CSMD1: variants seen among roughly 807,000 people sequenced by gnomAD.
CSMD1 encodes the protein CUB and Sushi multiple domains 1, also known as CUB and sushi domain-containing protein 1.
A neutral mutation model predicts 417.5 loss-of-function variants in CSMD1; 213 were observed. The ratio of observed to expected loss-of-function variants is 0.51; its 90% CI spans 0.46 to 0.57. The LOEUF (loss-of-function observed/expected upper bound fraction) is 0.57, where lower values mean the gene tolerates loss of function less well. CSMD1 is among the 20% of genes least tolerant of loss of function. The pLI, the probability that CSMD1 is intolerant of heterozygous loss-of-function variation, is 0.00. For missense variants in CSMD1, 6,923 were observed against 4,529.7 expected (o/e 1.53, Z -15.17); for synonymous variants, 2,862 against 1,736.8 (o/e 1.65, Z -16.11).
In CSMD1 at chr8:3,272,248, C is replaced by T. The variant is rs551230526; in HGVS notation, c.4153+11896G>A. 6.5e-3 allele frequency among the ~76,000 whole-genome samples: 933 copies of T among 144,182 alleles called. 35 individuals carry two copies. The highest frequency in any genetic ancestry group is 9.8e-3 in the South Asian group (43 of 4,368). The allele number at this position is 144,182 out of a possible 152,430, so 94.6% of individuals were successfully genotyped here. On this transcript the variant is annotated intron_variant, in intron 26 of 69. Transcript: ENST00000635120. ...CAAAGATCAGATAGTTGTAGATATG[C>T]GGCGTTATTTCTGAGGGCTCTGTTC...
chr8:4,462,031 C>T (rs181954172), intron 2 of CSMD1, among the ~76,000 whole-genome samples: 1 of 151,866 alleles, frequency 6.6e-6, no homozygotes, highest in African/African-American at 2.4e-5. Flanking sequence ...TGAGCCACCA[C>T]GTCTGGCTGC....
chr8:3,261,777 C>G (rs1287014437), intron 26 of CSMD1, among the ~76,000 whole-genome samples: 1 of 152,096 alleles, frequency 6.6e-6, no homozygotes, highest in African/African-American at 2.4e-5. Flanking sequence ...ATTCCCTCCA[C>G]AGCACATTTG....
chr8:4,351,239 T>C (rs10098869), intron 3 of CSMD1, among the ~76,000 whole-genome samples: 17,420 of 152,218 alleles, frequency 0.11, 1,347 homozygotes, highest in South Asian at 0.17. Context: ...TAAAGCTCCA[T>C]CTACATCCTG....
intron 3 of CSMD1, among the ~76,000 whole-genome samples, chr8:4,248,603 G>T (rs922611746): frequency 2.6e-5 from 4 of 152,098 alleles, no homozygotes; most frequent in Admixed American, 1.3e-4. Flanking sequence ...GTTCAAATAT[G>T]AACTTCTCGA....
At chr8:2,995,659 A>G (rs536056434) in intron 54 of CSMD1, among the ~76,000 whole-genome samples, 2 of 152,302 alleles carry the variant, frequency 1.3e-5, no homozygotes, top group South Asian at 2.1e-4. Flanking sequence ...ACGTCCTTCA[A>G]TGGGTAAATG....
intron 49 of CSMD1, among the ~76,000 whole-genome samples, chr8:3,077,800 C>T (rs1246836823): frequency 1.3e-5 from 2 of 152,226 alleles, no homozygotes; most frequent in Non-Finnish European, 2.9e-5. Context: ...CGCTGTGCCT[C>T]TTCAATGAAA....
At chr8:3,179,428 A>C (rs1454467616) in intron 37 of CSMD1, among the ~76,000 whole-genome samples, 1 of 152,236 alleles carries the variant, frequency 6.6e-6, no homozygotes, top group East Asian at 1.9e-4. Context: ...TAAATAATTA[A>C]ACAAAAGCTT....
chr8:4,430,164 C>T (rs906298262), intron 2 of CSMD1, among the ~76,000 whole-genome samples: 1 of 152,176 alleles, frequency 6.6e-6, no homozygotes, highest in Non-Finnish European at 1.5e-5. Context: ...CAGAATCTAT[C>T]CTACGTGTGC....
chr8:3,727,326 G>C (rs889768373), intron 6 of CSMD1, among the ~76,000 whole-genome samples: 6 of 152,190 alleles, frequency 3.9e-5, no homozygotes. Context: ...CGCCTGAACG[G>C]TGGCACTGCA....
intron 3 of CSMD1, among the ~76,000 whole-genome samples, chr8:4,164,650 C>G (rs914139636): frequency 3.9e-5 from 6 of 152,090 alleles, no homozygotes. Flanking sequence ...GTCCCTCACA[C>G]AAGACACGAT....
chr8:4,195,002 C>T (rs1799247758), intron 3 of CSMD1, among the ~76,000 whole-genome samples: 1 of 152,098 alleles, frequency 6.6e-6, no homozygotes, highest in Admixed American at 6.5e-5. Flanking sequence ...GGGAATTTTC[C>T]ATCTCTTCAC....
intron 10 of CSMD1, among the ~76,000 whole-genome samples, chr8:3,496,115 G>A (rs1234115050): frequency 6.6e-6 from 1 of 152,158 alleles, no homozygotes; most frequent in African/African-American, 2.4e-5. Flanking sequence ...GTGTTCATGT[G>A]TTCTCATTGT....
intron 23 of CSMD1, among the ~76,000 whole-genome samples, chr8:3,338,241 C>G (rs1453388567): frequency 6.6e-6 from 1 of 152,200 alleles, no homozygotes; most frequent in African/African-American, 2.4e-5. Flanking sequence ...CCAGGTCACC[C>G]TGGCATCCAC....
chr8:4,715,159 C>T (rs2116881923), intron 1 of CSMD1, among the ~76,000 whole-genome samples: 1 of 152,200 alleles, frequency 6.6e-6, no homozygotes, highest in Non-Finnish European at 1.5e-5. Context: ...ACTAACTATG[C>T]TTTAGTTATT....
intron 3 of CSMD1, among the ~76,000 whole-genome samples, chr8:4,402,053 G>A (rs556216458): frequency 1.3e-5 from 2 of 152,162 alleles, no homozygotes; most frequent in South Asian, 4.2e-4. Context: ...CCTGCTAAAT[G>A]GTCCTTCTAA....
intron 1 of CSMD1, among the ~76,000 whole-genome samples, chr8:4,829,737 C>CAA (rs11290763): frequency 2.7e-5 from 3 of 109,996 alleles, no homozygotes; most frequent in African/African-American, 3.5e-5. Context: ...GACCCTGTCT[C>CAA]AAAAAAAAAA....
chr8:4,016,818 A>T (rs566374903), intron 4 of CSMD1, among the ~76,000 whole-genome samples: 2 of 152,306 alleles, frequency 1.3e-5, no homozygotes, highest in South Asian at 4.1e-4. Context: ...TTTGACATCC[A>T]TGAGGTTGTT....
chr8:2,950,396 C>G lies in CSMD1; in HGVS notation c.10202-53G>C, dbSNP rs11987402. On this transcript the variant is annotated intron_variant, in intron 66 of 69. Coordinates refer to ENST00000635120, the MANE Select transcript of CSMD1 (RefSeq NM_033225.6). ...ACCTTGGAGAAAGTTAGTAATTCAGCCCTTTAATCCATTTGATGTGGAATG... is the reference window on the plus strand; with the variant it reads ...ACCTTGGAGAAAGTTAGTAATTCAGGCCTTTAATCCATTTGATGTGGAATG... 3.4e-3 allele frequency: 3,581 copies of G among 1,050,874 alleles called. 89 individuals carry two copies. In the African/African-American group the frequency reaches 0.047, roughly 14 times the overall value. The allele number at this position is 1,050,874 out of a possible 1,614,324, so 65.1% of individuals were successfully genotyped here. A position where few individuals can be genotyped will look rare whatever the true frequency, so the allele number is the denominator to read the frequency against.
Position 4,244,189 on chromosome 8 carries a change from G to A in CSMD1, c.415+175764C>T, listed in dbSNP as rs575852548. On this transcript the variant is annotated intron_variant, in intron 3 of 69. Coordinates refer to ENST00000635120, the MANE Select transcript of CSMD1 (RefSeq NM_033225.6). ...TGCAAGTTTCTGGTAGAACCGTTTAGGCTTAGCTGAGCTAGACCAAGCAGC... is the reference window on the plus strand; with the variant it reads ...TGCAAGTTTCTGGTAGAACCGTTTAAGCTTAGCTGAGCTAGACCAAGCAGC... Among the ~76,000 whole-genome samples the A allele has an allele frequency of 5.9e-5, 9 of 152,300 alleles. No homozygotes were observed. In the East Asian group the frequency reaches 1.5e-3, roughly 26 times the overall value.
Sources: allele counts gnomAD v4.1 joint callset (sites outside exome capture counted in the v4.1 genomes callset), GRCh38; gene constraint gnomAD v4.1.1; transcripts MANE v1.5; gene names NCBI Gene and HGNC (gene_info 2026-07-23, HGNC 2026-07-21).